ACTL6A: variants seen among roughly 807,000 people sequenced by gnomAD.
ACTL6A encodes the protein actin-like protein 6A.
In ACTL6A, 5 loss-of-function variants were observed where a neutral mutation model predicts 59.2. The ratio of observed to expected loss-of-function variants is 0.08; its 90% CI spans 0.04 to 0.18. The LOEUF (loss-of-function observed/expected upper bound fraction) is 0.18, where lower values mean the gene tolerates loss of function less well. Ranked by LOEUF, ACTL6A falls within the 10% of genes least tolerant of loss-of-function variation. The pLI is 1.00. For synonymous variants in ACTL6A, 154 were observed against 171.8 expected (o/e 0.90, Z 0.81); for missense variants, 285 against 526.9 (o/e 0.54, Z 4.49).
At chr3:179,564,283 A>G (rs1044562187) in intron 1 of ACTL6A, among the ~76,000 whole-genome samples, 5 of 152,162 alleles carry the variant, frequency 3.3e-5, no homozygotes, top group Non-Finnish European at 1.5e-5. Context: ...CTGTTTCTAT[A>G]AAGGATGTCA....
At position 179,580,881 on chromosome 3, in the gene ACTL6A, A is replaced by G; in HGVS notation, c.831-13A>G. 1.3e-6 allele frequency: 2 copies of G among 1,575,504 alleles called. No homozygotes were observed. Among genetic ancestry groups the G allele is most frequent in the Non-Finnish European group, 1.7e-6 (2 of 1,164,716 alleles). ...TTTTGTCTTTTGTGTAATACGGTTTAATATGTTTTCAGAGTGGCTGCACAG... is the reference window on the plus strand; with the variant it reads ...TTTTGTCTTTTGTGTAATACGGTTTGATATGTTTTCAGAGTGGCTGCACAG... On this transcript the variant is annotated splice_polypyrimidine_tract_variant and intron_variant, in intron 9 of 13. Coordinates refer to ENST00000429709, the MANE Select transcript of ACTL6A (RefSeq NM_004301.5).
At chr3:179,571,375 C>G (rs1450848060) in intron 3 of ACTL6A, among the ~76,000 whole-genome samples, 1 of 150,714 alleles carries the variant, frequency 6.6e-6, no homozygotes, top group African/African-American at 2.5e-5. Context: ...CAGCTGAGAT[C>G]TCATGACTAC....
At chr3:179,563,790 C>G (rs1717746434) in intron 1 of ACTL6A, among the ~76,000 whole-genome samples, 1 of 152,118 alleles carries the variant, frequency 6.6e-6, no homozygotes, top group African/African-American at 2.4e-5. Context: ...TTAAGGATGC[C>G]CAGAAAGTTT....
rs916511838 is a variant in ACTL6A at position 179,576,713 on chromosome 3, T to C, written c.665T>C (p.Met222Thr). 6.2e-7 allele frequency: 1 copy of C among 1,613,064 alleles called. No individual in the cohort carries two copies. The highest frequency in any genetic ancestry group is 8.5e-7 in the Non-Finnish European group (1 of 1,179,050). ...EMNIELVPPYMIASKEAVREG... is the reference protein window; with the variant it reads ...EMNIELVPPYTIASKEAVREG... ...AATATTGAATTGGTTCCTCCATATA[T>C]GATTGCATCAAAAGTAAGTAATTAT... Residue 222 changes from methionine to threonine, a missense_variant, in exon 7 of 14, where the codon ATG becomes ACG. Coordinates refer to ENST00000429709, the MANE Select transcript of ACTL6A (RefSeq NM_004301.5).
chr3:179,582,235 AC>A (rs1718361273), intron 11 of ACTL6A, among the ~76,000 whole-genome samples: 2 of 152,182 alleles, frequency 1.3e-5, no homozygotes, highest in Non-Finnish European at 2.9e-5. Flanking sequence ...AACAGTGATA[AC>A]TGTTTTTAGT....
At chr3:179,572,432 CTT>C (rs1428858601) in intron 3 of ACTL6A, among the ~76,000 whole-genome samples, 2 of 151,888 alleles carry the variant, frequency 1.3e-5, no homozygotes, top group Non-Finnish European at 2.9e-5. Flanking sequence ...TTTGTAAACT[CTT>C]GTGTAGGCAA....
At chr3:179,563,189 C>T (rs1375932874) in intron 1 of ACTL6A, 72 bp downstream of exon 1, 2 of 1,542,994 alleles carry the variant, frequency 1.3e-6, no homozygotes, top group African/African-American at 1.4e-5. Context: ...GCTCCCAGCC[C>T]TCCCCTCCCC....
chr3:179,568,169 C>T (rs1453162519), intron 1 of ACTL6A, among the ~76,000 whole-genome samples: 1 of 136,484 alleles, frequency 7.3e-6, no homozygotes, highest in Non-Finnish European at 1.5e-5. Context: ...AGCAAGACTC[C>T]GTGTCAAAAA....
At chr3:179,578,749 G>A (rs1026361492) in intron 8 of ACTL6A, among the ~76,000 whole-genome samples, 1 of 152,192 alleles carries the variant, frequency 6.6e-6, no homozygotes, top group Non-Finnish European at 1.5e-5. Flanking sequence ...CTCTGCAGCC[G>A]TGTCAGCAGC....
chr3:179,588,206 T>G lies in ACTL6A; in HGVS notation c.*196T>G. 2.2e-6 allele frequency: 1 copy of G among 445,006 alleles called. No individual in the cohort carries two copies. The highest frequency in any genetic ancestry group is 3.9e-6 in the Non-Finnish European group (1 of 256,102). 27.6% of individuals were successfully genotyped at this position (445,006 alleles called of 1,614,324 possible). ...TTTCCTTGAAATGCACTTATTCTTA[T>G]TACAAGCATTTTATAATTTTGTATA... On this transcript the variant is annotated 3_prime_UTR_variant, in exon 14 of 14. Coordinates refer to ENST00000429709, the MANE Select transcript of ACTL6A (RefSeq NM_004301.5).
chr3:179,587,703 C>T (rs1176353020), intron 13 of ACTL6A, among the ~76,000 whole-genome samples: 1 of 151,926 alleles, frequency 6.6e-6, no homozygotes, highest in Non-Finnish European at 1.5e-5. Flanking sequence ...GTGTGAGACC[C>T]CATCTCTACA....
intron 8 of ACTL6A, among the ~76,000 whole-genome samples, chr3:179,577,831 TC>T (rs1560012768): frequency 1.3e-5 from 2 of 151,966 alleles, no homozygotes; most frequent in Non-Finnish European, 2.9e-5. Context: ...TTTTTTTTTT[TC>T]ACTACATAAT....
In ACTL6A at chr3:179,565,298, G is replaced by A. The variant is rs544877611; in HGVS notation, c.25+2181G>A. ...CTAAAAATACAAAAATTAGCCAGGC[G>A]TGGTGGTGCATGCCTGGAGTCCCAG... On this transcript the variant is annotated intron_variant, in intron 1 of 13. Coordinates refer to ENST00000429709, the MANE Select transcript of ACTL6A (RefSeq NM_004301.5). 4.0e-5 allele frequency among the ~76,000 whole-genome samples: 6 copies of A among 151,832 alleles called. No individual in the cohort carries two copies. In the South Asian group the frequency reaches 1.0e-3, roughly 26 times the overall value.
intron 12 of ACTL6A, among the ~76,000 whole-genome samples, chr3:179,585,692 A>C (rs911850993): frequency 6.6e-6 from 1 of 152,180 alleles, no homozygotes; most frequent in Non-Finnish European, 1.5e-5. Context: ...AAATATGTTC[A>C]TTTATAGAAT....
Position 179,582,623 on chromosome 3 carries a change from T to C in ACTL6A, c.1027-730T>C, listed in dbSNP as rs976551043. ...CCTAACTTACAGATAAGCATTCTTT[T>C]TCAAAATATTTGTAATTTTAATTTT... On this transcript the variant is annotated intron_variant, in intron 11 of 13. Transcript: ENST00000429709. Among the ~76,000 whole-genome samples the C allele has an allele frequency of 4.6e-5, 7 of 152,368 alleles. 1 individual carries two copies. The highest frequency in any genetic ancestry group is 1.9e-4 in the East Asian group (1 of 5,194).
intron 1 of ACTL6A, among the ~76,000 whole-genome samples, chr3:179,564,838 C>T (rs560587526): frequency 5.3e-5 from 8 of 150,206 alleles, no homozygotes; most frequent in East Asian, 2.0e-4. Flanking sequence ...ACTGATTCTT[C>T]GTTGTACATT....
chr3:179,563,154 T>C (rs1717715967), intron 1 of ACTL6A, 37 bp downstream of exon 1: 4 of 1,600,454 alleles, frequency 2.5e-6, no homozygotes, highest in Non-Finnish European at 3.4e-6. Context: ...GCGCGCCTTT[T>C]CGGCGTGTGG....
chr3:179,565,313 T>A (rs1717799480), intron 1 of ACTL6A, among the ~76,000 whole-genome samples: 2 of 151,810 alleles, frequency 1.3e-5, no homozygotes, highest in Non-Finnish European at 2.9e-5. Flanking sequence ...GGTGCATGCC[T>A]GGAGTCCCAG....
At chr3:179,577,117 TTAC>T (rs1435684675) in intron 8 of ACTL6A, among the ~76,000 whole-genome samples, 1 of 152,190 alleles carries the variant, frequency 6.6e-6, no homozygotes, top group African/African-American at 2.4e-5. Flanking sequence ...TAATGATATT[TTAC>T]TAACAAAAGA....
Sources: gnomAD v4.1 joint callset for allele counts (sites outside exome capture counted in the v4.1 genomes callset) on GRCh38, gnomAD v4.1.1 for gene constraint, MANE v1.5 for transcripts, NCBI Gene and HGNC (gene_info 2026-07-23, HGNC 2026-07-21) for gene names.